CCDC85C: variants seen among roughly 807,000 people sequenced by gnomAD.
CCDC85C encodes the protein coiled-coil domain containing 85C.
CCDC85C carries 18 observed loss-of-function variants against 38.3 expected under a neutral mutation model. That is an observed-to-expected ratio of 0.47 (90% CI 0.33 to 0.70). The LOEUF (loss-of-function observed/expected upper bound fraction) is 0.70, where lower values mean the gene tolerates loss of function less well. CCDC85C is among the 30% of genes least tolerant of loss of function. The pLI is 0.03. For missense variants in CCDC85C, 566 were observed against 621.2 expected (o/e 0.91, Z 0.94); for synonymous variants, 264 against 293.8 (o/e 0.90, Z 1.04).
At chr14:99,534,529 C>A in intron 2 of CCDC85C, 1 of 676,266 alleles carries the variant, frequency 1.5e-6, no homozygotes, top group South Asian at 1.6e-5. Flanking sequence ...ATGGTCCTGG[C>A]CCTTGCTCTG....
At position 99,576,666 on chromosome 14, in the gene CCDC85C, C is replaced by G. The variant is rs1898483705; in HGVS notation, c.793+26501G>C. 1 of 152,250 alleles carries G rather than the reference C, an allele frequency of 6.6e-6. No individual in the cohort carries two copies. The highest frequency in any genetic ancestry group is 2.4e-5 in the African/African-American group (1 of 41,450). 9.4% of individuals were successfully genotyped at this position (152,250 alleles called of 1,614,324 possible). Reference sequence around the variant, plus strand: ...CCCCAACCCCCAAGCCTTGCCCTTTCCCACCAAACTTGGTAGGATCCGGGC... The same window carrying G: ...CCCCAACCCCCAAGCCTTGCCCTTTGCCACCAAACTTGGTAGGATCCGGGC... On this transcript the variant is annotated intron_variant, in intron 1 of 5. Coordinates refer to ENST00000380243, the MANE Select transcript of CCDC85C (RefSeq NM_001144995.2). This position sits in a 1 kb window ranked among gnomAD's most constrained non-coding sequence, Gnocchi z 4.8.
At position 99,503,026 on chromosome 14, in the gene CCDC85C, AG is replaced by A; in HGVS notation, c.*12219del. ...AGGCCCTGGGTAGAGCAGGCTTTCCAGGTGGCGGCAACACCTGAGCACTGTT... is the reference window on the plus strand; with the variant it reads ...AGGCCCTGGGTAGAGCAGGCTTTCCAGTGGCGGCAACACCTGAGCACTGTT... On this transcript the variant is annotated 3_prime_UTR_variant, in exon 6 of 6. Transcript: ENST00000380243. 6.2e-7 allele frequency: 1 copy of A among 1,607,730 alleles called. No homozygotes were observed. Among genetic ancestry groups the A allele is most frequent in the South Asian group, 1.1e-5 (1 of 90,964 alleles).
At chr14:99,547,729 G>A (rs750211021) in intron 1 of CCDC85C, among the ~76,000 whole-genome samples, 7 of 151,356 alleles carry the variant, frequency 4.6e-5, no homozygotes, top group Admixed American at 2.6e-4. Context: ...AGCCAAGATC[G>A]CGCCACTGCA....
At chr14:99,538,545 C>T (rs1275466112) in intron 1 of CCDC85C, among the ~76,000 whole-genome samples, 1 of 152,236 alleles carries the variant, frequency 6.6e-6, no homozygotes, top group Non-Finnish European at 1.5e-5. Flanking sequence ...GTTCTCTGCC[C>T]TTCGCTGCCA....
chr14:99,526,307 C>T (rs750383581), intron 2 of CCDC85C, among the ~76,000 whole-genome samples: 1 of 152,238 alleles, frequency 6.6e-6, no homozygotes, highest in East Asian at 1.9e-4. Flanking sequence ...CACATGAGCC[C>T]AGGCCCCGTG....
At chr14:99,553,521 C>T (rs1394210652) in intron 1 of CCDC85C, among the ~76,000 whole-genome samples, 3 of 152,182 alleles carry the variant, frequency 2.0e-5, no homozygotes, top group Non-Finnish European at 2.9e-5. Flanking sequence ...CGTGCCACCA[C>T]GCCCGGCTAA....
intron 1 of CCDC85C, 43 bp from the exon 2 acceptor site, chr14:99,536,131 A>T (rs1324997754): frequency 7.1e-7 from 1 of 1,407,944 alleles, no homozygotes; most frequent in Admixed American, 2.0e-5. Flanking sequence ...CCTCCAGCAG[A>T]CTCCATCCCC....
intron 1 of CCDC85C, among the ~76,000 whole-genome samples, chr14:99,550,424 G>A (rs1201886770): frequency 1.3e-5 from 2 of 152,148 alleles, no homozygotes; most frequent in Non-Finnish European, 2.9e-5. Context: ...AGAAGGGAAC[G>A]CAGCCCTGCT....
At position 99,510,332 on chromosome 14, in the gene CCDC85C, G is replaced by A. The variant is rs113616201; in HGVS notation, c.*4914C>T. On this transcript the variant is annotated 3_prime_UTR_variant, in exon 6 of 6. Coordinates refer to ENST00000380243, the MANE Select transcript of CCDC85C (RefSeq NM_001144995.2). Reference sequence around the variant, plus strand: ...CACCCCCCTCCAGCTACATGACCGGGATGTCCACCACCAGCTCCTACATGT... The same window carrying A: ...CACCCCCCTCCAGCTACATGACCGGAATGTCCACCACCAGCTCCTACATGT... 1.3e-4 allele frequency: 195 copies of A among 1,522,882 alleles called. No individual in the cohort carries two copies. Among genetic ancestry groups the A allele is most frequent in the Non-Finnish European group, 1.7e-4 (187 of 1,113,368 alleles). The allele number at this position is 1,522,882 out of a possible 1,614,324, so 94.3% of individuals were successfully genotyped here. A position where few individuals can be genotyped will look rare whatever the true frequency, so the allele number is the denominator to read the frequency against.
chr14:99,584,828 G>C (rs1474766134), intron 1 of CCDC85C, among the ~76,000 whole-genome samples: 1 of 152,182 alleles, frequency 6.6e-6, no homozygotes, highest in Non-Finnish European at 1.5e-5. Context: ...CGCAGTGGAC[G>C]CTGTAATCCC....
chr14:99,540,573 C>T (rs958915664), intron 1 of CCDC85C, among the ~76,000 whole-genome samples: 6 of 152,320 alleles, frequency 3.9e-5, no homozygotes, highest in Admixed American at 3.9e-4. Context: ...CATCATTTCC[C>T]AGCTTGGCTG....
In CCDC85C at chr14:99,572,110, G is replaced by T. The variant is rs1291741716; in HGVS notation, c.793+31057C>A. Among the ~76,000 whole-genome samples, 4 of 152,168 alleles carry T rather than the reference G, an allele frequency of 2.6e-5. No homozygotes were observed. The highest frequency in any genetic ancestry group is 5.9e-5 in the Non-Finnish European group (4 of 68,034). On this transcript the variant is annotated intron_variant, in intron 1 of 5. Coordinates refer to ENST00000380243, the MANE Select transcript of CCDC85C (RefSeq NM_001144995.2). The surrounding 1 kb of genome is among the most constrained non-coding windows in gnomAD (Gnocchi z 4.4). ...ACCCGCAAGTCTCTGGAAGGCAGCGGCAAGGGCCAGATTCCCCACATACCC... is the reference window on the plus strand; with the variant it reads ...ACCCGCAAGTCTCTGGAAGGCAGCGTCAAGGGCCAGATTCCCCACATACCC...
chr14:99,583,458 C>A (rs748126935), intron 1 of CCDC85C, among the ~76,000 whole-genome samples: 3 of 145,394 alleles, frequency 2.1e-5, no homozygotes, highest in Non-Finnish European at 4.4e-5. Flanking sequence ...GAGCCAAGAT[C>A]GCATGATCGC....
intron 1 of CCDC85C, among the ~76,000 whole-genome samples, chr14:99,557,409 C>A (rs879464637): frequency 6.6e-6 from 1 of 152,220 alleles, no homozygotes; most frequent in Non-Finnish European, 1.5e-5. Flanking sequence ...TTGGCCACTG[C>A]CTGGCTCACT....
Position 99,572,580 on chromosome 14 carries a change from C to T in CCDC85C, c.793+30587G>A, listed in dbSNP as rs773628614. On this transcript the variant is annotated intron_variant, in intron 1 of 5. Transcript: ENST00000380243. This position sits in a 1 kb window ranked among gnomAD's most constrained non-coding sequence, Gnocchi z 4.4. Reference sequence around the variant, plus strand: ...TCCAGCCACAGGGCCTGGTCAGCTCCGGGAAAGCTCTGACATCTGTCCTTT... The same window carrying T: ...TCCAGCCACAGGGCCTGGTCAGCTCTGGGAAAGCTCTGACATCTGTCCTTT... 1.7e-4 allele frequency: 75 copies of T among 429,382 alleles called. No individual in the cohort carries two copies. The highest frequency in any genetic ancestry group is 1.1e-3 in the East Asian group (15 of 14,122). 26.6% of individuals were successfully genotyped at this position (429,382 alleles called of 1,614,324 possible). A position where few individuals can be genotyped will look rare whatever the true frequency, so the allele number is the denominator to read the frequency against.
chr14:99,590,992 A>T (rs1157917796), intron 1 of CCDC85C, among the ~76,000 whole-genome samples: 1 of 152,042 alleles, frequency 6.6e-6, no homozygotes, highest in Non-Finnish European at 1.5e-5. Flanking sequence ...GGCTCATTTA[A>T]CCCCAAGAGG....
At chr14:99,591,184 T>C (rs999117096) in intron 1 of CCDC85C, among the ~76,000 whole-genome samples, 3 of 152,238 alleles carry the variant, frequency 2.0e-5, no homozygotes, top group Non-Finnish European at 4.4e-5. Context: ...CGTTCTTTGT[T>C]TTCTGATCCT....
intron 2 of CCDC85C, among the ~76,000 whole-genome samples, chr14:99,523,127 C>T (rs1897324993): frequency 6.6e-6 from 1 of 152,136 alleles, no homozygotes; most frequent in Non-Finnish European, 1.5e-5. Flanking sequence ...TAAAACCCTG[C>T]GGAATGTCCC....
chr14:99,524,919 C>T (rs1454801323), intron 2 of CCDC85C, among the ~76,000 whole-genome samples: 1 of 152,328 alleles, frequency 6.6e-6, no homozygotes, highest in Non-Finnish European at 1.5e-5. Flanking sequence ...AGGGATCTTA[C>T]ACACAGAGCT....
Sources: gnomAD v4.1 joint callset for allele counts (sites outside exome capture counted in the v4.1 genomes callset) on GRCh38, gnomAD v4.1.1 for gene constraint, Gnocchi (gnomAD v3.1) non-coding constraint, MANE v1.5 for transcripts, NCBI Gene and HGNC (gene_info 2026-07-23, HGNC 2026-07-21) for gene names.